Variants in CCN4 observed in about 807,000 individuals in gnomAD.
The protein encoded by CCN4 is CCN family member 4.
In CCN4, 30 loss-of-function variants were observed where a neutral mutation model predicts 36.7. That is an observed-to-expected ratio of 0.82 (90% CI 0.61 to 1.11). CCN4 has a LOEUF of 1.11. Among genes scored for constraint, CCN4 ranks in the 50% least tolerant of loss-of-function variants. The pLI, the probability that CCN4 is intolerant of heterozygous loss-of-function variation, is 0.00. For missense variants in CCN4, 505 were observed against 504.9 expected, an observed-to-expected ratio of 1.00 and a Z score of 0.00; for synonymous variants, 191 against 195.4, an observed-to-expected ratio of 0.98 and a Z score of 0.19.
At chr8:133,192,031 G>A (rs1382739084) in intron 1 of CCN4, among the ~76,000 whole-genome samples, 1 of 152,190 alleles carries the variant, frequency 6.6e-6, no homozygotes, top group African/African-American at 2.4e-5. Flanking sequence ...AAAGGCAGAG[G>A]CAGGCAGTGC....
chr8:133,220,632 A>G lies in CCN4; in HGVS notation c.401A>G (p.Gln134Arg), dbSNP rs777846317. Residue 134 changes from glutamine to arginine, a missense_variant, in exon 3 of 5, where the codon CAG becomes CGG. Physicochemically the swap from Gln to Arg is conservative, Grantham distance 43 (BLOSUM62 1). Transcript: ENST00000250160. ...GATGGGGTGCGCTACAACAACGGCC[A>G]GTCCTTCCAGCCTAACTGCAAGTAC... Reference protein sequence around the residue: ...VLDGVRYNNGQSFQPNCKYNC... With the variant: ...VLDGVRYNNGRSFQPNCKYNC... 4 of 1,614,186 alleles carry G rather than the reference A, an allele frequency of 2.5e-6. No homozygotes were observed. In the Admixed American group the frequency reaches 5.0e-5, roughly 20 times the overall value.
At chr8:133,224,804 C>T (rs1588206635) in intron 3 of CCN4, among the ~76,000 whole-genome samples, 4 of 151,970 alleles carry the variant, frequency 2.6e-5, no homozygotes, top group South Asian at 2.1e-4. Flanking sequence ...CATGGTGGCC[C>T]ATGCCTGTAA....
chr8:133,210,173 G>A (rs1306524266), intron 1 of CCN4, among the ~76,000 whole-genome samples: 1 of 152,166 alleles, frequency 6.6e-6, no homozygotes, highest in East Asian at 1.9e-4. Context: ...GAGATGCAAG[G>A]CCCGGGCCCT....
At chr8:133,216,772 G>T (rs187651667) in intron 2 of CCN4, among the ~76,000 whole-genome samples, 1 of 152,228 alleles carries the variant, frequency 6.6e-6, no homozygotes, top group African/African-American at 2.4e-5. Context: ...TGCTAGCTAC[G>T]TGACCATGTG....
intron 2 of CCN4, among the ~76,000 whole-genome samples, chr8:133,215,645 C>A (rs890201783): frequency 3.9e-5 from 6 of 152,118 alleles, no homozygotes; most frequent in African/African-American, 1.4e-4. Context: ...CCTATCTCTG[C>A]ATCTTAGGTC....
At chr8:133,226,881 A>T (rs1170243296) in intron 4 of CCN4, among the ~76,000 whole-genome samples, 7 of 152,218 alleles carry the variant, frequency 4.6e-5, no homozygotes, top group Non-Finnish European at 1.0e-4. Context: ...AAGAACAGTA[A>T]ATCTCAAGTG....
At chr8:133,224,969 T>A (rs1854674811) in intron 3 of CCN4, among the ~76,000 whole-genome samples, 2 of 150,972 alleles carry the variant, frequency 1.3e-5, no homozygotes, top group Non-Finnish European at 2.9e-5. Flanking sequence ...TCCCAGCACC[T>A]AGCAAGATGA....
Position 133,216,396 on chromosome 8 carries a change from G to T in CCN4, c.349+3253G>T, listed in dbSNP as rs570929770. ...ATGATGGGGACAATGGCAATCTGGT[G>T]TGTGCAAGCCCTGGCTTTCAGAGAT... is the stretch of plus-strand genomic sequence containing the variant. On this transcript the variant is annotated intron_variant, in intron 2 of 4. Transcript: ENST00000250160. Among the ~76,000 whole-genome samples, 27 of 152,298 alleles carry T rather than the reference G, an allele frequency of 1.8e-4. 3 individuals are homozygous for T. In the South Asian group the frequency reaches 5.6e-3, roughly 32 times the overall value.
chr8:133,221,940 GGATA>G (rs1376409766), intron 3 of CCN4, among the ~76,000 whole-genome samples: 3 of 151,300 alleles, frequency 2.0e-5, no homozygotes, highest in African/African-American at 7.4e-5. Flanking sequence ...ATGGATGGAT[GGATA>G]GATGTATAAA....
intron 2 of CCN4, among the ~76,000 whole-genome samples, chr8:133,215,342 A>G (rs1268346120): frequency 6.6e-6 from 1 of 152,222 alleles, no homozygotes; most frequent in African/African-American, 2.4e-5. Flanking sequence ...TAACCCAGGT[A>G]GGGAAACCTG....
At chr8:133,191,737 C>T (rs1295114162) in intron 1 of CCN4, among the ~76,000 whole-genome samples, 1 of 152,182 alleles carries the variant, frequency 6.6e-6, no homozygotes, top group African/African-American at 2.4e-5. Flanking sequence ...AACAAAAGCT[C>T]CTTATTGAGC....
In CCN4 at chr8:133,218,225, C is replaced by T. The variant is rs184209185; in HGVS notation, c.350-2356C>T. ...TCCATCAAAGGAGAAAAATAAAACT[C>T]TTCATGAAGTCATTGGGAGAACTGA... is the stretch of plus-strand genomic sequence containing the variant. On this transcript the variant is annotated intron_variant, in intron 2 of 4. Transcript: ENST00000250160. Among the ~76,000 whole-genome samples, 5 of 152,254 alleles carry T rather than the reference C, an allele frequency of 3.3e-5. No individual in the cohort carries two copies. The East Asian group carries it at 9.7e-4, about 29-fold the overall frequency.
intron 2 of CCN4, among the ~76,000 whole-genome samples, chr8:133,214,507 G>GGTTGTTGTTGTTGTT (rs376862240): frequency 4.4e-4 from 67 of 151,554 alleles, no homozygotes; most frequent in African/African-American, 1.5e-3. Context: ...GTTTGGAGGT[G>GGTTGTTGTTGTTGTT]GTTGTTGTTG....
intron 3 of CCN4, among the ~76,000 whole-genome samples, chr8:133,221,568 GATGA>G (rs748702253): frequency 6.6e-6 from 1 of 151,958 alleles, no homozygotes; most frequent in Non-Finnish European, 1.5e-5. Flanking sequence ...ATGGAAGGAT[GATGA>G]ATGAATGGGT....
chr8:133,225,035 G>T (rs1378763200), intron 3 of CCN4, among the ~76,000 whole-genome samples: 1 of 152,154 alleles, frequency 6.6e-6, no homozygotes, highest in African/African-American at 2.4e-5. Context: ...AGCCGCACAG[G>T]CAGGTGTTAT....
intron 3 of CCN4, among the ~76,000 whole-genome samples, chr8:133,221,388 TA>T (rs1854520827): frequency 6.6e-6 from 1 of 152,198 alleles, no homozygotes; most frequent in Admixed American, 6.5e-5. Context: ...GGTATCCAAT[TA>T]ATGTTTGTCA....
intron 1 of CCN4, among the ~76,000 whole-genome samples, chr8:133,204,608 G>A (rs911949732): frequency 1.3e-5 from 2 of 152,222 alleles, no homozygotes; most frequent in African/African-American, 4.8e-5. Context: ...AGGCTGGAAT[G>A]CAGTGGTGCA....
In CCN4 at chr8:133,219,481, C is replaced by T. The variant is rs555460133; in HGVS notation, c.350-1100C>T. On this transcript the variant is annotated intron_variant, in intron 2 of 4. Coordinates refer to ENST00000250160, the MANE Select transcript of CCN4 (RefSeq NM_003882.4). ...CCTGATTTAACCCTATTCCCAGTTG[C>T]GCTGAGAATACTCACCAGCAGCACT... 1.9e-4 allele frequency among the ~76,000 whole-genome samples: 29 copies of T among 152,308 alleles called. No individual in the cohort carries two copies. In the South Asian group the frequency reaches 3.9e-3, roughly 21 times the overall value.
At chr8:133,209,408 C>T (rs538474256) in intron 1 of CCN4, among the ~76,000 whole-genome samples, 98 of 152,320 alleles carry the variant, frequency 6.4e-4, no homozygotes, top group African/African-American at 2.2e-3. Context: ...TGTCCAGCAC[C>T]TTCTCCTGAG....
Sources: allele counts gnomAD v4.1 joint callset (sites outside exome capture counted in the v4.1 genomes callset), GRCh38; gene constraint gnomAD v4.1.1; transcripts MANE v1.5; gene names NCBI Gene and HGNC (gene_info 2026-07-23, HGNC 2026-07-21).